The following UCKL1 variants were observed in gnomAD, a reference collection of about 807,000 sequenced individuals.
UCKL1 encodes the protein uridine-cytidine kinase 1 like 1.
Under a neutral mutation model 59.2 loss-of-function variants are expected in UCKL1, and 65 were observed. The ratio of observed to expected loss-of-function variants is 1.10; its 90% CI spans 0.90 to 1.35. The LOEUF is 1.35. Ranked by LOEUF, UCKL1 falls within the 40% of genes most tolerant of loss-of-function variation. The pLI is 0.00. For synonymous variants in UCKL1, 410 were observed against 323.1 expected (o/e 1.27, Z -2.88); for missense variants, 703 against 784.3 (o/e 0.90, Z 1.24).
intron 5 of UCKL1, 111 bp from the exon 6 acceptor site, chr20:63,944,845 C>T: frequency 1.5e-6 from 2 of 1,358,572 alleles, no homozygotes; most frequent in Non-Finnish European, 2.0e-6. Flanking sequence ...GCCAGAGCCA[C>T]TTCCCCAGGG....
chr20:63,940,849 A>T lies in UCKL1; in HGVS notation c.1124T>A (p.Val375Asp). The T allele has an allele frequency of 6.5e-7, 1 of 1,548,730 alleles. No individual in the cohort carries two copies. Among genetic ancestry groups the T allele is most frequent in the Non-Finnish European group, 8.7e-7 (1 of 1,146,852 alleles). The change falls in exon 11 of 15, where the codon GTC (valine) becomes GAC (aspartate). Residue 375 changes from valine (V) to aspartate (D), a missense_variant. Around this residue, in one of 4 missense-constraint regions of UCKL1, gnomAD observed 156 missense variants for 185.6 expected, o/e 0.84. Coordinates refer to ENST00000354216, the MANE Select transcript of UCKL1 (RefSeq NM_017859.4). Reference sequence around the variant, plus strand: ...GTCCTGCCCCTGCGGGGTCTGTACGACGCAGTCCTGTGGGGTGCAGGGTGA... The same window carrying T: ...GTCCTGCCCCTGCGGGGTCTGTACGTCGCAGTCCTGTGGGGTGCAGGGTGA... ...ALSFLPFQDC[V>D]VQTPQGQDYA...
chr20:63,944,357 G>C, intron 7 of UCKL1, 40 bp downstream of exon 7: 2 of 1,529,746 alleles, frequency 1.3e-6, no homozygotes, highest in Non-Finnish European at 1.8e-6. Flanking sequence ...TGGGTAGAGG[G>C]GCTGGGGGCT....
chr20:63,949,921 TG>T (rs5842436), intron 1 of UCKL1, among the ~76,000 whole-genome samples: 23 of 152,366 alleles, frequency 1.5e-4, no homozygotes, highest in African/African-American at 5.5e-4. Flanking sequence ...GAGGCCGGGC[TG>T]GCACCGTGCC....
chr20:63,943,843 C>G (rs1158740597), intron 7 of UCKL1, among the ~76,000 whole-genome samples, 174 bp from the exon 8 acceptor site: 1 of 152,174 alleles, frequency 6.6e-6, no homozygotes. Context: ...CTGGGCCAGA[C>G]CTGCAGTTCT....
chr20:63,941,993 G>A (rs1282607611), intron 8 of UCKL1, among the ~76,000 whole-genome samples: 2 of 145,948 alleles, frequency 1.4e-5, no homozygotes, highest in African/African-American at 2.6e-5. Context: ...GCGTGACAGC[G>A]GCAGGGAAAG....
chr20:63,942,601 TC>T, intron 8 of UCKL1: 1 of 699,322 alleles, frequency 1.4e-6, no homozygotes, highest in Non-Finnish European at 2.1e-6. Context: ...AGCAGGGCGT[TC>T]CCCGCAGGCC....
Position 63,945,685 on chromosome 20 carries a change from C to A in UCKL1, c.620G>T (p.Gly207Val), listed in dbSNP as rs755287074. 46 of 1,613,094 alleles carry A rather than the reference C, an allele frequency of 2.9e-5. No homozygotes were observed. The highest frequency in any genetic ancestry group is 3.8e-5 in the Non-Finnish European group (45 of 1,179,846). ...LYGANVIIFEGIMAFADKTLL... is the reference protein window; with the variant it reads ...LYGANVIIFEVIMAFADKTLL... ...TGTCTTGTCAGCAAAGGCCATGATG[C>A]CCTCAAAGATGATGACGTTTGCACC... The change falls in exon 5 of 15, where the codon GGC becomes GTC. Residue 207 changes from glycine to valine, a missense_variant. Coordinates refer to ENST00000354216, the MANE Select transcript of UCKL1 (RefSeq NM_017859.4).
chr20:63,944,321 C>T (rs2055527666), intron 7 of UCKL1, 76 bp downstream of exon 7: 2 of 1,419,224 alleles, frequency 1.4e-6, no homozygotes, highest in Admixed American at 2.1e-5. Flanking sequence ...GTGACCAGGC[C>T]ACTGGGGGTG....
At chr20:63,950,884 T>C in intron 1 of UCKL1, 2 of 1,440,684 alleles carry the variant, frequency 1.4e-6, no homozygotes, top group Non-Finnish European at 9.1e-7. Context: ...GGTGGATGCG[T>C]GGGGGCTCAG....
At chr20:63,951,842 G>A (rs1006717163) in intron 1 of UCKL1, among the ~76,000 whole-genome samples, 4 of 152,004 alleles carry the variant, frequency 2.6e-5, no homozygotes, top group South Asian at 2.1e-4. Context: ...CCCACCCTCC[G>A]CAGAGTCAGT....
Position 63,941,044 on chromosome 20 carries a change from C to T in UCKL1, c.1023-1G>A, listed in dbSNP as rs745999711. On this transcript the variant is annotated splice_acceptor_variant, in intron 9 of 14. Transcript: ENST00000354216. LOFTEE classifies it high-confidence loss of function. ...CTCGTCGCGACTGGTCTCCTTGTCC[C>T]TGTGGGGCCAACAGTTGAGCGGGAG... The T allele has an allele frequency of 6.3e-7, 1 of 1,586,676 alleles. No homozygotes were observed. Among genetic ancestry groups the T allele is most frequent in the East Asian group, 2.2e-5 (1 of 44,552 alleles).
In UCKL1 at chr20:63,945,733, A is replaced by G; in HGVS notation, c.583-11T>C. 6.2e-7 allele frequency: 1 copy of G among 1,612,634 alleles called. No homozygotes were observed. Among genetic ancestry groups the G allele is most frequent in the Middle Eastern group, 1.7e-4 (1 of 6,060 alleles). On this transcript the variant is annotated splice_polypyrimidine_tract_variant and intron_variant, in intron 4 of 14. Transcript: ENST00000354216. Reference sequence around the variant, plus strand: ...ACCATACAGTGTTTTCTGTGAAGAAACCCAGGAGTTGCGGAGCCTGGCTCA... The same window carrying G: ...ACCATACAGTGTTTTCTGTGAAGAAGCCCAGGAGTTGCGGAGCCTGGCTCA...
intron 1 of UCKL1, 149 bp from the exon 2 acceptor site, chr20:63,946,792 CCTGGG>C: frequency 1.2e-6 from 1 of 803,978 alleles, no homozygotes; most frequent in South Asian, 1.8e-5. Flanking sequence ...AAGAACTCTG[CCTGGG>C]CTGGGCGTGG....
chr20:63,940,388 C>A lies in UCKL1; in HGVS notation c.1400G>T (p.Arg467Leu). 1 of 1,611,786 alleles carries A rather than the reference C, an allele frequency of 6.2e-7. No individual in the cohort carries two copies. Among genetic ancestry groups the A allele is most frequent in the South Asian group, 1.1e-5 (1 of 91,068 alleles). The change falls in exon 13 of 15, where the codon CGC (arginine) becomes CTC (leucine). Residue 467 changes from arginine (R) to leucine (L), a missense_variant. By Grantham distance (102) the Arg-to-Leu change is moderately radical. Transcript: ENST00000354216. ...STGAAAMMAVRVLLDHDVPED... is the reference protein window; with the variant it reads ...STGAAAMMAVLVLLDHDVPED... ...CCAGGGCTCACTCACCAGGAGCACG[C>A]GCACTGCCATCATGGCCGCCGCGCC...
At chr20:63,946,673 C>T in intron 1 of UCKL1, 30 bp from the exon 2 acceptor site, 4 of 1,591,816 alleles carry the variant, frequency 2.5e-6, no homozygotes, top group Non-Finnish European at 3.4e-6. Context: ...CGGATGTGGC[C>T]CAGAGCTGCC....
intron 12 of UCKL1, 34 bp from the exon 13 acceptor site, chr20:63,940,519 C>T (rs1446704604): frequency 6.2e-7 from 1 of 1,604,870 alleles, no homozygotes; most frequent in South Asian, 1.1e-5. Flanking sequence ...GCAGGTGGGG[C>T]TCCCTGCGTC....
rs1569082646 is a variant in UCKL1, at chr20:63,945,813, TCTTCCGG to T, written c.567_573del (p.Ser189ArgfsTer32). ...GCAGGGCCCTGGCCTACCCAGTCCT[TCTTCCGG>T]CTGTGCGTGGTGAAGTCATAAATGG... On this transcript the variant is annotated frameshift_variant, in exon 4 of 15. Transcript: ENST00000354216. LOFTEE classifies it high-confidence loss of function. The T allele has an allele frequency of 6.2e-7, 1 of 1,613,580 alleles. No homozygotes were observed.
intron 8 of UCKL1, among the ~76,000 whole-genome samples, chr20:63,943,092 G>C (rs1318475883): frequency 6.6e-6 from 1 of 152,236 alleles, no homozygotes; most frequent in Non-Finnish European, 1.5e-5. Context: ...AGGGACAGTG[G>C]GATGCGGCCC....
At chr20:63,947,414 A>G (rs1357824689) in intron 1 of UCKL1, among the ~76,000 whole-genome samples, 1 of 152,214 alleles carries the variant, frequency 6.6e-6, no homozygotes, top group East Asian at 1.9e-4. Context: ...CTGGGTGCCC[A>G]AGGAGACGTG....
Sources: gnomAD v4.1 joint callset for allele counts (sites outside exome capture counted in the v4.1 genomes callset) on GRCh38, gnomAD v4.1.1 for gene constraint, gnomAD v4.1.1 regional missense constraint, MANE v1.5 for transcripts, NCBI Gene and HGNC (gene_info 2026-07-23, HGNC 2026-07-21) for gene names.